The following PTPRJ variants were observed in gnomAD, a reference collection of about 807,000 sequenced individuals.
PTPRJ encodes receptor-type tyrosine-protein phosphatase eta.
A neutral mutation model predicts 141.3 loss-of-function variants in PTPRJ; 129 were observed. The ratio of observed to expected loss-of-function variants is 0.91; its 90% CI spans 0.79 to 1.06. PTPRJ has a LOEUF of 1.06. PTPRJ is among the 50% of genes least tolerant of loss of function. The probability of loss-of-function intolerance (pLI) is 0.00; values close to 1 mark genes in which losing one functional copy is unlikely to be tolerated. For missense variants in PTPRJ, 1,601 were observed against 1,679.7 expected (o/e 0.95, Z 0.82); for synonymous variants, 610 against 640.5 (o/e 0.95, Z 0.72).
At chr11:48,162,875 G>A (rs1022906784) in intron 22 of PTPRJ, among the ~76,000 whole-genome samples, 1 of 152,060 alleles carries the variant, frequency 6.6e-6, no homozygotes, top group Non-Finnish European at 1.5e-5. Flanking sequence ...GTTTTTTGGG[G>A]GAGTCCTTTC....
At position 48,167,099 on chromosome 11, in the gene PTPRJ, G is replaced by A. The variant is rs1257380301; in HGVS notation, c.3856-105G>A. On this transcript the variant is annotated intron_variant, in intron 24 of 24. Transcript: ENST00000418331. ...GAACCGTTTGCTGTTGGGTGGATGG[G>A]GTTTGGGAGTTGGGCGGGGGAATGA... The A allele has an allele frequency of 6.7e-6, 7 of 1,040,522 alleles. No homozygotes were observed. In the Admixed American group the frequency reaches 1.4e-4, roughly 21 times the overall value. 64.5% of individuals were successfully genotyped at this position (1,040,522 alleles called of 1,614,324 possible).
intron 6 of PTPRJ, 124 bp from the exon 7 acceptor site, chr11:48,127,656 T>TG: frequency 1.0e-6 from 1 of 999,098 alleles, no homozygotes; most frequent in Non-Finnish European, 1.5e-6. Flanking sequence ...CGGTTGATGG[T>TG]GCAGAGGAGG....
intron 14 of PTPRJ, 149 bp downstream of exon 14, chr11:48,145,273 G>A: frequency 1.8e-6 from 2 of 1,128,350 alleles, no homozygotes; most frequent in Non-Finnish European, 1.3e-6. Context: ...ATGTCACTGG[G>A]TCACCGGGCT....
At chr11:47,984,623 A>G (rs999437437) in intron 1 of PTPRJ, among the ~76,000 whole-genome samples, 1 of 152,014 alleles carries the variant, frequency 6.6e-6, no homozygotes, top group African/African-American at 2.4e-5. Context: ...CAATGGTGCA[A>G]TCTTGGCTCA....
At chr11:48,033,381 A>G (rs1014430572) in intron 1 of PTPRJ, among the ~76,000 whole-genome samples, 7 of 152,126 alleles carry the variant, frequency 4.6e-5, no homozygotes, top group Non-Finnish European at 1.0e-4. Context: ...GAGGGAGGAC[A>G]TGAAGGCTGG....
chr11:48,065,280 A>T (rs1177806662), intron 1 of PTPRJ, among the ~76,000 whole-genome samples: 1 of 151,768 alleles, frequency 6.6e-6, no homozygotes, highest in Non-Finnish European at 1.5e-5. Flanking sequence ...TCCCAAAGTG[A>T]TGGGATTACA....
At chr11:48,015,183 G>A (rs2134205892) in intron 1 of PTPRJ, among the ~76,000 whole-genome samples, 1 of 152,212 alleles carries the variant, frequency 6.6e-6, no homozygotes, top group Middle Eastern at 3.4e-3. Context: ...GGCCTTAGCT[G>A]CTGTATCACT....
At chr11:48,142,442 T>G (rs1180648086) in intron 11 of PTPRJ, among the ~76,000 whole-genome samples, 1 of 152,230 alleles carries the variant, frequency 6.6e-6, no homozygotes, top group East Asian at 1.9e-4. Flanking sequence ...GTGTCAAGTC[T>G]TCCAACAATG....
At chr11:48,082,641 T>C (rs1308541520) in intron 1 of PTPRJ, among the ~76,000 whole-genome samples, 1 of 151,010 alleles carries the variant, frequency 6.6e-6, no homozygotes, top group African/African-American at 2.4e-5. Context: ...TTAATGGCGA[T>C]GTAGTAATCT....
intron 1 of PTPRJ, among the ~76,000 whole-genome samples, chr11:48,027,405 A>G (rs1853846955): frequency 6.6e-6 from 1 of 152,062 alleles, no homozygotes; most frequent in African/African-American, 2.4e-5. Context: ...TGCAAGATGA[A>G]CAACTTGGTC....
intron 24 of PTPRJ, among the ~76,000 whole-genome samples, chr11:48,165,043 T>C (rs1383732947): frequency 6.6e-6 from 1 of 152,242 alleles, no homozygotes; most frequent in African/African-American, 2.4e-5. Flanking sequence ...ATGTCAGTAA[T>C]GGAACTACTA....
chr11:48,020,284 A>C (rs1855080641), intron 1 of PTPRJ, among the ~76,000 whole-genome samples: 1 of 152,208 alleles, frequency 6.6e-6, no homozygotes, highest in African/African-American at 2.4e-5. Flanking sequence ...CAAATGTCAG[A>C]ACCCAGTATG....
intron 1 of PTPRJ, among the ~76,000 whole-genome samples, chr11:48,052,967 AG>A (rs1854614224): frequency 6.7e-6 from 1 of 149,642 alleles, no homozygotes; most frequent in Non-Finnish European, 1.5e-5. Flanking sequence ...GTGGAGTTGG[AG>A]GGGTCATGTC....
Position 48,170,819 on chromosome 11 carries a change from A to G in PTPRJ, c.*3457A>G, listed in dbSNP as rs752899837. On this transcript the variant is annotated 3_prime_UTR_variant, in exon 25 of 25. Coordinates refer to ENST00000418331, the MANE Select transcript of PTPRJ (RefSeq NM_002843.4). ...TTTTTTAAAGACTTACAAATACCAA[A>G]TATAAAAAAATGTCAATGCATTATG... is the stretch of plus-strand genomic sequence containing the variant. 9 of 151,886 alleles carry G rather than the reference A, an allele frequency of 5.9e-5. No individual in the cohort carries two copies. The highest frequency in any genetic ancestry group is 1.3e-4 in the Admixed American group (2 of 15,244). The allele number at this position is 151,886 out of a possible 1,614,324, so 9.4% of individuals were successfully genotyped here. A position where few individuals can be genotyped will look rare whatever the true frequency, so the allele number is the denominator to read the frequency against.
At chr11:48,109,766 G>T (rs901846256) in intron 1 of PTPRJ, among the ~76,000 whole-genome samples, 1 of 151,890 alleles carries the variant, frequency 6.6e-6, no homozygotes, top group Admixed American at 6.6e-5. Context: ...GAGTTGCTCC[G>T]GGGAGAGGGC....
chr11:47,985,766 T>C (rs947922590), intron 1 of PTPRJ, among the ~76,000 whole-genome samples: 4 of 152,136 alleles, frequency 2.6e-5, no homozygotes, highest in African/African-American at 9.7e-5. Flanking sequence ...TGTGGCACGA[T>C]CTCGGCTCAC....
chr11:48,055,516 G>C, intron 1 of PTPRJ, among the ~76,000 whole-genome samples: 1 of 152,192 alleles, frequency 6.6e-6, no homozygotes, highest in East Asian at 1.9e-4. Flanking sequence ...TTTCTGGTAA[G>C]TTCTGGCCTT....
intron 1 of PTPRJ, among the ~76,000 whole-genome samples, chr11:48,036,949 A>G (rs149666126): frequency 6.6e-6 from 1 of 152,358 alleles, no homozygotes; most frequent in African/African-American, 2.4e-5. Context: ...TCCCTGGAGC[A>G]GCACCAGGTA....
chr11:48,116,804 A>G (rs1007865546), intron 3 of PTPRJ, among the ~76,000 whole-genome samples: 2 of 152,234 alleles, frequency 1.3e-5, no homozygotes, highest in African/African-American at 4.8e-5. Context: ...ATTAAACAAC[A>G]TGCTCCTGAA....
Sources: gnomAD v4.1 joint callset for allele counts (sites outside exome capture counted in the v4.1 genomes callset) on GRCh38, gnomAD v4.1.1 for gene constraint, MANE v1.5 for transcripts, NCBI Gene and HGNC (gene_info 2026-07-23, HGNC 2026-07-21) for gene names.